AGBL4: variants seen among roughly 807,000 people sequenced by gnomAD.
AGBL4 encodes cytosolic carboxypeptidase 6.
AGBL4 carries 58 observed loss-of-function variants against 66.4 expected under a neutral mutation model. The ratio of observed to expected loss-of-function variants is 0.87; its 90% CI spans 0.71 to 1.09. The LOEUF is 1.09. AGBL4 is among the 50% of genes least tolerant of loss of function. The probability of loss-of-function intolerance (pLI) is 0.00; values close to 1 mark genes in which losing one functional copy is unlikely to be tolerated. For synonymous variants in AGBL4, 234 were observed against 222.9 expected (o/e 1.05, Z -0.44); for missense variants, 579 against 631.0 (o/e 0.92, Z 0.88).
At position 48,736,074 on chromosome 1, in the gene AGBL4, G is replaced by A. The variant is rs986192438; in HGVS notation, c.635-72833C>T. ...AGCTCATCTGCCCTGGTAAATGTGA[G>A]CTCTTCTGGGGCATTTGGGTTATCC... On this transcript the variant is annotated intron_variant, in intron 6 of 13. Coordinates refer to ENST00000371839, the MANE Select transcript of AGBL4 (RefSeq NM_032785.4). This position sits in a 1 kb window ranked among gnomAD's most constrained non-coding sequence, Gnocchi z 4.0. Among the ~76,000 whole-genome samples, 1 of 152,188 alleles carries A rather than the reference G, an allele frequency of 6.6e-6. No individual in the cohort carries two copies. Among genetic ancestry groups the A allele is most frequent in the Non-Finnish European group, 1.5e-5 (1 of 68,036 alleles).
At chr1:49,094,822 G>A (rs1645065364) in intron 4 of AGBL4, among the ~76,000 whole-genome samples, 1 of 152,072 alleles carries the variant, frequency 6.6e-6, no homozygotes, top group Admixed American at 6.6e-5. Context: ...ACATAGTGTT[G>A]GAAGTTCTGG....
rs181439118 is a variant in AGBL4 at position 49,627,315 on chromosome 1, T to C, written c.282+69998A>G. ...GAAAATATTTTTAAATCTATATTAA[T>C]GCCCTCCAGGAAGCATCTACCATGG... is the stretch of plus-strand genomic sequence containing the variant. On this transcript the variant is annotated intron_variant, in intron 3 of 13. Coordinates refer to ENST00000371839, the MANE Select transcript of AGBL4 (RefSeq NM_032785.4). Among the ~76,000 whole-genome samples, 154 of 152,246 alleles carry C rather than the reference T, an allele frequency of 1.0e-3. 1 individual carries two copies. Among genetic ancestry groups the C allele is most frequent in the Admixed American group, 0.01 (154 of 15,280 alleles).
intron 3 of AGBL4, among the ~76,000 whole-genome samples, chr1:49,623,660 T>C (rs1245439190): frequency 6.6e-6 from 1 of 152,198 alleles, no homozygotes; most frequent in Non-Finnish European, 1.5e-5. Flanking sequence ...TTCTGTGGTC[T>C]CATTACAATC....
chr1:48,816,043 TTTTGTGTGTGTGTG>T (rs1646164811), intron 6 of AGBL4, among the ~76,000 whole-genome samples: 1 of 101,060 alleles, frequency 9.9e-6, no homozygotes. Flanking sequence ...TGAGGAACTG[TTTTGTGTGTGTGTG>T]TGTGTGTGTG....
chr1:49,065,962 A>C (rs1644484816), intron 4 of AGBL4, among the ~76,000 whole-genome samples: 1 of 152,276 alleles, frequency 6.6e-6, no homozygotes, highest in East Asian at 1.9e-4. Context: ...GGTGGTTACA[A>C]TCCTTCTCCT....
At chr1:49,286,015 T>A (rs981793468) in intron 3 of AGBL4, among the ~76,000 whole-genome samples, 1 of 152,184 alleles carries the variant, frequency 6.6e-6, no homozygotes, top group Non-Finnish European at 1.5e-5. Context: ...TTATCCACCA[T>A]GATCAAGTGG....
chr1:49,796,298 A>G (rs1349163561), intron 2 of AGBL4, among the ~76,000 whole-genome samples: 1 of 151,810 alleles, frequency 6.6e-6, no homozygotes, highest in Non-Finnish European at 1.5e-5. Flanking sequence ...CTTAACAAAA[A>G]GATTCAGATC....
intron 2 of AGBL4, among the ~76,000 whole-genome samples, chr1:49,697,665 C>A (rs1053678880): frequency 6.6e-6 from 1 of 152,146 alleles, no homozygotes; most frequent in African/African-American, 2.4e-5. Flanking sequence ...GCCCTTCTGA[C>A]CCAGATCCTT....
In AGBL4 at chr1:49,063,742, T is replaced by G. The variant is rs553436005; in HGVS notation, c.378-17942A>C. ...ACACAGGGTTGTGAAGAAAGGCCCT[T>G]CTGATGAGGTAACATTTGAATAAAG... On this transcript the variant is annotated intron_variant, in intron 4 of 13. Transcript: ENST00000371839. 2.6e-5 allele frequency among the ~76,000 whole-genome samples: 4 copies of G among 152,294 alleles called. No homozygotes were observed. The East Asian group carries it at 7.7e-4, about 29-fold the overall frequency.
intron 3 of AGBL4, among the ~76,000 whole-genome samples, chr1:49,510,016 G>A (rs1024460883): frequency 5.3e-5 from 8 of 151,988 alleles, no homozygotes; most frequent in African/African-American, 1.9e-4. Context: ...TACATTGTCA[G>A]TGAAGGCAAG....
chr1:48,538,306 T>G (rs1482205922), intron 12 of AGBL4, among the ~76,000 whole-genome samples: 1 of 152,154 alleles, frequency 6.6e-6, no homozygotes, highest in South Asian at 2.1e-4. Context: ...CTGGAGGACA[T>G]GAAAACATTT....
chr1:48,745,852 C>T (rs868425830), intron 6 of AGBL4, among the ~76,000 whole-genome samples: 1 of 152,118 alleles, frequency 6.6e-6, no homozygotes, highest in Non-Finnish European at 1.5e-5. Flanking sequence ...TTTGCACTCT[C>T]CCCACCCCTC....
intron 1 of AGBL4, among the ~76,000 whole-genome samples, chr1:49,871,315 A>G (rs972431202): frequency 1.3e-5 from 2 of 152,054 alleles, no homozygotes; most frequent in Non-Finnish European, 2.9e-5. Context: ...GATTTGAGAG[A>G]CAGATTTAAT....
At chr1:49,428,583 G>A (rs868842906) in intron 3 of AGBL4, among the ~76,000 whole-genome samples, 1 of 152,194 alleles carries the variant, frequency 6.6e-6, no homozygotes, top group Non-Finnish European at 1.5e-5. Context: ...TTGGCAAGGA[G>A]GTTTCTGAAT....
At chr1:49,862,457 G>A (rs970024892) in intron 1 of AGBL4, among the ~76,000 whole-genome samples, 4 of 151,816 alleles carry the variant, frequency 2.6e-5, no homozygotes, top group African/African-American at 4.8e-5. Context: ...AGAAAGAAGC[G>A]GGGTTAGAAA....
At chr1:48,774,523 G>T (rs1644985053) in intron 6 of AGBL4, among the ~76,000 whole-genome samples, 2 of 152,194 alleles carry the variant, frequency 1.3e-5, no homozygotes, top group South Asian at 4.1e-4. Flanking sequence ...GAGGTAAGGG[G>T]AAGTGTTTTT....
chr1:49,119,389 T>C (rs908906627), intron 4 of AGBL4, among the ~76,000 whole-genome samples: 10 of 152,238 alleles, frequency 6.6e-5, no homozygotes, highest in African/African-American at 2.4e-4. Flanking sequence ...GAGATTCTGG[T>C]ACATTGTGTC....
intron 4 of AGBL4, among the ~76,000 whole-genome samples, chr1:49,093,464 A>G (rs1193232356): frequency 6.6e-6 from 1 of 152,196 alleles, no homozygotes; most frequent in African/African-American, 2.4e-5. Context: ...TAGTAAGCAC[A>G]TCACACAAAA....
intron 1 of AGBL4, among the ~76,000 whole-genome samples, chr1:49,855,521 A>G: frequency 6.6e-6 from 1 of 152,192 alleles, no homozygotes; most frequent in Admixed American, 6.5e-5. Context: ...AAGTCTCAAG[A>G]AATTTCAAAA....
Sources: allele counts gnomAD v4.1 joint callset (sites outside exome capture counted in the v4.1 genomes callset), GRCh38; gene constraint gnomAD v4.1.1; non-coding constraint Gnocchi (gnomAD v3.1); transcripts MANE v1.5; gene names NCBI Gene and HGNC (gene_info 2026-07-23, HGNC 2026-07-21).